Variants in COL13A1 observed in about 807,000 individuals in gnomAD.
The protein encoded by COL13A1 is collagen alpha-1(XIII) chain.
In COL13A1, 89 loss-of-function variants were observed where a neutral mutation model predicts 130.9. The ratio of observed to expected loss-of-function variants is 0.68; its 90% CI spans 0.57 to 0.81. The LOEUF is 0.81. COL13A1 is among the 30% of genes least tolerant of loss of function. The pLI is 0.00. For synonymous variants in COL13A1, 402 were observed against 341.6 expected, an observed-to-expected ratio of 1.18 and a Z score of -1.95; for missense variants, 879 against 934.6, an observed-to-expected ratio of 0.94 and a Z score of 0.78.
rs984871843 is a variant in COL13A1 at position 69,888,162 on chromosome 10, A to G, written c.550-142A>G. 9.2e-6 allele frequency: 8 copies of G among 874,300 alleles called. No individual in the cohort carries two copies. In the African/African-American group the frequency reaches 1.4e-4, roughly 15 times the overall value. 54.2% of individuals were successfully genotyped at this position (874,300 alleles called of 1,614,324 possible). A position where few individuals can be genotyped will look rare whatever the true frequency, so the allele number is the denominator to read the frequency against. ...GAGGCCTAGGCTTACCCATAGTCAC[A>G]TTAACAAGTACGTGGTCAAGCAGGG... On this transcript the variant is annotated intron_variant, in intron 8 of 40. Transcript: ENST00000645393.
At chr10:69,814,281 A>T (rs942917401) in intron 1 of COL13A1, among the ~76,000 whole-genome samples, 3 of 151,870 alleles carry the variant, frequency 2.0e-5, no homozygotes, top group African/African-American at 7.3e-5. Flanking sequence ...GACCCTCCTC[A>T]CTCACCCTCC....
At chr10:69,915,709 G>A (rs1204153704) in intron 17 of COL13A1, among the ~76,000 whole-genome samples, 3 of 152,208 alleles carry the variant, frequency 2.0e-5, no homozygotes, top group African/African-American at 7.2e-5. Context: ...GTCCATAGGG[G>A]TGCAGGAGTC....
Position 69,917,418 on chromosome 10 carries a change from C to T in COL13A1, c.966+85C>T, listed in dbSNP as rs1009804875. ...CTCTCTCCTCAGCTCTGGGGACACT[C>T]TGGAGTCCCAGCTCTTTGGGCCTCC... On this transcript the variant is annotated intron_variant, in intron 18 of 40. Coordinates refer to ENST00000645393, the MANE Select transcript of COL13A1 (RefSeq NM_001368882.1). The T allele has an allele frequency of 5.6e-6, 7 of 1,239,882 alleles. No individual in the cohort carries two copies. The African/African-American group carries it at 1.0e-4, about 19-fold the overall frequency. The allele number at this position is 1,239,882 out of a possible 1,614,324, so 76.8% of individuals were successfully genotyped here. A position where few individuals can be genotyped will look rare whatever the true frequency, so the allele number is the denominator to read the frequency against.
chr10:69,883,453 C>T (rs1372380625), intron 7 of COL13A1, among the ~76,000 whole-genome samples: 1 of 152,192 alleles, frequency 6.6e-6, no homozygotes, highest in Non-Finnish European at 1.5e-5. Context: ...CAATTCACTC[C>T]ATTCATATTT....
At chr10:69,849,469 T>A (rs866372925) in intron 2 of COL13A1, among the ~76,000 whole-genome samples, 12 of 152,318 alleles carry the variant, frequency 7.9e-5, no homozygotes, top group African/African-American at 2.9e-4. Context: ...GGGAGAGTGG[T>A]GGTATGATGC....
At chr10:69,823,635 A>G (rs10762313) in intron 2 of COL13A1, among the ~76,000 whole-genome samples, 92,370 of 152,082 alleles carry the variant, frequency 0.61, 28,432 homozygotes, top group East Asian at 0.73. Context: ...TGGGAAACGA[A>G]GGACCGCATT....
rs879472474 is a variant in COL13A1 at position 69,852,873 on chromosome 10, G to GGGCTGC, written c.365-14920_365-14915dup. On this transcript the variant is annotated intron_variant, in intron 2 of 40. Transcript: ENST00000645393. ...TGGACTCGGCCCATTGCTGGGCCTGGGGCTGCGGCTTTCCCAGTGCCTTGA... is the reference window on the plus strand; with the variant it reads ...TGGACTCGGCCCATTGCTGGGCCTGGGGCTGCGGCTGCGGCTTTCCCAGTGCCTTGA... 3.1e-4 allele frequency among the ~76,000 whole-genome samples: 47 copies of GGGCTGC among 152,352 alleles called. No homozygotes were observed. In the East Asian group the frequency reaches 4.2e-3, roughly 14 times the overall value.
At chr10:69,875,887 C>G (rs2059524367) in intron 5 of COL13A1, among the ~76,000 whole-genome samples, 1 of 152,234 alleles carries the variant, frequency 6.6e-6, no homozygotes, top group Non-Finnish European at 1.5e-5. Flanking sequence ...GCCACTCTCC[C>G]CATGTGACTC....
At chr10:69,834,058 A>G (rs868423861) in intron 2 of COL13A1, among the ~76,000 whole-genome samples, 49 of 152,324 alleles carry the variant, frequency 3.2e-4, no homozygotes, top group Admixed American at 2.7e-3. Flanking sequence ...TCTCTAAGGC[A>G]GCAGTCCCCA....
intron 2 of COL13A1, among the ~76,000 whole-genome samples, chr10:69,837,165 T>G (rs1008649461): frequency 6.6e-6 from 1 of 152,224 alleles, no homozygotes; most frequent in African/African-American, 2.4e-5. Context: ...ATGTGAGTCC[T>G]TCTCAACAAA....
At position 69,822,441 on chromosome 10, in the gene COL13A1, A is replaced by G; in HGVS notation, c.364+3A>G. The G allele has an allele frequency of 6.3e-7, 1 of 1,586,356 alleles. No homozygotes were observed. The highest frequency in any genetic ancestry group is 8.6e-7 in the Non-Finnish European group (1 of 1,166,676). On this transcript the variant is annotated splice_donor_region_variant and intron_variant, in intron 2 of 40. Transcript: ENST00000645393. The stretch of plus-strand genomic sequence containing the variant: ...TCCAGGATGTAACTGCCCACCAGGT[A>G]AGCAGCCCTGCAAATAGGTGACCGC...
intron 38 of COL13A1, among the ~76,000 whole-genome samples, chr10:69,951,862 T>C (rs2069617230): frequency 6.6e-6 from 1 of 152,004 alleles, no homozygotes; most frequent in Non-Finnish European, 1.5e-5. Flanking sequence ...CGTTAGATAA[T>C]CCCCCTTCCA....
chr10:69,917,397 C>A, intron 18 of COL13A1, 64 bp downstream of exon 18: 1 of 1,433,964 alleles, frequency 7.0e-7, no homozygotes, highest in Admixed American at 1.8e-5. Context: ...CCATCCCTCT[C>A]TCCTCAGCTC....
chr10:69,918,907 G>A (rs1318690417), intron 19 of COL13A1, among the ~76,000 whole-genome samples, 155 bp from the exon 20 acceptor site: 1 of 152,208 alleles, frequency 6.6e-6, no homozygotes, highest in African/African-American at 2.4e-5. Flanking sequence ...CCTTTGGCCT[G>A]GGACCTGATG....
intron 1 of COL13A1, among the ~76,000 whole-genome samples, chr10:69,815,621 G>C (rs981490861): frequency 9.2e-5 from 14 of 152,126 alleles, no homozygotes; most frequent in Non-Finnish European, 1.6e-4. Context: ...AGCCTAGATG[G>C]CACACATCCA....
chr10:69,879,020 A>G (rs541564016), intron 6 of COL13A1, among the ~76,000 whole-genome samples: 57 of 152,380 alleles, frequency 3.7e-4, no homozygotes, highest in African/African-American at 1.2e-3. Context: ...TTAAACACAA[A>G]TTGTGTCAGG....
chr10:69,872,161 G>A lies in COL13A1; in HGVS notation c.373-23G>A, dbSNP rs139285851. 4.4e-4 allele frequency: 709 copies of A among 1,613,964 alleles called. 3 individuals carry two copies. In the African/African-American group the frequency reaches 8.5e-3, roughly 19 times the overall value. ...GTGTTACGATACCTGCCTGACCTAC[G>A]TAAACGTCACTCTTCATTTCAGGGT... On this transcript the variant is annotated intron_variant, in intron 3 of 40. Coordinates refer to ENST00000645393, the MANE Select transcript of COL13A1 (RefSeq NM_001368882.1).
intron 21 of COL13A1, among the ~76,000 whole-genome samples, chr10:69,920,738 T>A (rs1205002764): frequency 6.6e-6 from 1 of 152,198 alleles, no homozygotes; most frequent in Admixed American, 6.5e-5. Flanking sequence ...AGAAAATACA[T>A]TTCTGCTGTC....
chr10:69,891,624 G>A (rs762325665), intron 10 of COL13A1, among the ~76,000 whole-genome samples: 2 of 152,122 alleles, frequency 1.3e-5, no homozygotes, highest in Admixed American at 6.5e-5. Flanking sequence ...AGTGGAGACC[G>A]AGGCAGGAAG....
Sources: allele counts gnomAD v4.1 joint callset (sites outside exome capture counted in the v4.1 genomes callset), GRCh38; gene constraint gnomAD v4.1.1; transcripts MANE v1.5; gene names NCBI Gene and HGNC (gene_info 2026-07-23, HGNC 2026-07-21).